LARGE1: variants seen among roughly 807,000 people sequenced by gnomAD.
The protein encoded by LARGE1 is xylosyl- and glucuronyltransferase LARGE1.
A neutral mutation model predicts 87.6 loss-of-function variants in LARGE1; 43 were observed. The ratio of observed to expected loss-of-function variants is 0.49; its 90% CI spans 0.38 to 0.63. LARGE1 has a LOEUF of 0.63. Among genes scored for constraint, LARGE1 ranks in the 30% least tolerant of loss-of-function variants. The pLI is 0.00. For synonymous variants in LARGE1, 434 were observed against 394.6 expected (o/e 1.10, Z -1.18); for missense variants, 802 against 1,000.2 (o/e 0.80, Z 2.67).
At chr22:33,825,864 A>G (rs543715848) in intron 1 of LARGE1, among the ~76,000 whole-genome samples, 2 of 152,172 alleles carry the variant, frequency 1.3e-5, no homozygotes, top group East Asian at 3.9e-4. Flanking sequence ...TTAATAAAAC[A>G]AAACAGCAGG....
chr22:33,571,109 C>T (rs1359797143), intron 5 of LARGE1, among the ~76,000 whole-genome samples: 1 of 152,124 alleles, frequency 6.6e-6, no homozygotes, highest in Non-Finnish European at 1.5e-5. Context: ...CTTGCAATGG[C>T]TGTTAATAAT....
intron 1 of LARGE1, among the ~76,000 whole-genome samples, chr22:33,894,947 G>C (rs1328579537): frequency 6.6e-6 from 1 of 152,170 alleles, no homozygotes. Flanking sequence ...GCCTGGGACA[G>C]TTTAATGGTT....
intron 11 of LARGE1, among the ~76,000 whole-genome samples, chr22:33,195,803 G>A (rs1242828094): frequency 7.1e-6 from 1 of 140,666 alleles, no homozygotes; most frequent in African/African-American, 2.6e-5. Context: ...CGCCCAGGCT[G>A]GAGTGCAGTG....
At chr22:33,237,028 G>C (rs1926286854) in intron 11 of LARGE1, among the ~76,000 whole-genome samples, 2 of 152,196 alleles carry the variant, frequency 1.3e-5, no homozygotes, top group Admixed American at 1.3e-4. Flanking sequence ...TCATCAGCGT[G>C]GTTAGAATTG....
rs540834340 is a variant in LARGE1 at position 33,713,864 on chromosome 22, G to A, written c.106+47507C>T. Among the ~76,000 whole-genome samples the A allele has an allele frequency of 5.6e-4, 86 of 152,268 alleles. 1 individual carries two copies. Among genetic ancestry groups the A allele is most frequent in the Non-Finnish European group, 6.9e-4 (47 of 68,024 alleles). On this transcript the variant is annotated intron_variant, in intron 2 of 14. Transcript: ENST00000397394. Reference sequence around the variant, plus strand: ...CCAGCTATTTAGGAGGCTGAGGTGAGAGGATTACTTGAGTTTGGGAGGTTG... The same window carrying A: ...CCAGCTATTTAGGAGGCTGAGGTGAAAGGATTACTTGAGTTTGGGAGGTTG...
Position 33,219,669 on chromosome 22 carries a change from T to C in LARGE1, c.1731-52837A>G, listed in dbSNP as rs1278213008. Among the ~76,000 whole-genome samples the C allele has an allele frequency of 3.3e-5, 5 of 152,232 alleles. No homozygotes were observed. In the East Asian group the frequency reaches 5.8e-4, roughly 18 times the overall value. ...TCCAGTGCTGATTCCTTAAATCCTA[T>C]TGGACAGCATCCCTCAGGATTCATT... is the stretch of plus-strand genomic sequence containing the variant. On this transcript the variant is annotated intron_variant, in intron 11 of 11. Transcript: ENST00000608642.
chr22:33,682,255 T>C (rs2149306455), intron 2 of LARGE1, among the ~76,000 whole-genome samples: 1 of 152,336 alleles, frequency 6.6e-6, no homozygotes, highest in East Asian at 1.9e-4. Flanking sequence ...ATTGCACATT[T>C]AAGTAATATT....
At chr22:33,693,339 A>G (rs1272974344) in intron 2 of LARGE1, among the ~76,000 whole-genome samples, 1 of 152,066 alleles carries the variant, frequency 6.6e-6, no homozygotes, top group Non-Finnish European at 1.5e-5. Context: ...TCTCAGACTT[A>G]ACCACTACAC....
At chr22:33,843,625 A>G (rs1013299943) in intron 1 of LARGE1, among the ~76,000 whole-genome samples, 1 of 151,936 alleles carries the variant, frequency 6.6e-6, no homozygotes, top group South Asian at 2.1e-4. Flanking sequence ...CCCTGCCCCA[A>G]GCCCTCCCTG....
At chr22:33,884,279 C>A (rs2064781138) in intron 1 of LARGE1, among the ~76,000 whole-genome samples, 1 of 152,192 alleles carries the variant, frequency 6.6e-6, no homozygotes. Flanking sequence ...GAACACAGCA[C>A]TTTAAAGCGA....
chr22:33,795,617 C>T (rs1016675328), intron 1 of LARGE1, among the ~76,000 whole-genome samples: 1 of 152,142 alleles, frequency 6.6e-6, no homozygotes, highest in Admixed American at 6.6e-5. Context: ...ACCCAAATGT[C>T]CATCAATGAT....
chr22:33,849,596 T>A, intron 1 of LARGE1, among the ~76,000 whole-genome samples: 1 of 50,972 alleles, frequency 2.0e-5, no homozygotes, highest in Admixed American at 3.0e-4. Flanking sequence ...TCTTCTCTTT[T>A]TTTTTTTTTT....
At chr22:33,197,049 G>T (rs1011085453) in intron 11 of LARGE1, among the ~76,000 whole-genome samples, 2 of 151,994 alleles carry the variant, frequency 1.3e-5, no homozygotes, top group African/African-American at 4.8e-5. Flanking sequence ...CAGAAAAAAA[G>T]CACTTTTGAT....
intron 1 of LARGE1, among the ~76,000 whole-genome samples, chr22:33,777,099 T>C (rs546279293): frequency 6.6e-6 from 1 of 152,186 alleles, no homozygotes; most frequent in Admixed American, 6.5e-5. Context: ...GATGGCACAA[T>C]TTCAAAAGAG....
At chr22:33,827,057 T>C (rs1304494729) in intron 1 of LARGE1, among the ~76,000 whole-genome samples, 1 of 152,038 alleles carries the variant, frequency 6.6e-6, no homozygotes, top group African/African-American at 2.4e-5. Flanking sequence ...TGCTTTCTCC[T>C]AAGACATTTA....
intron 7 of LARGE1, among the ~76,000 whole-genome samples, chr22:33,384,993 G>A (rs997312164): frequency 6.7e-6 from 1 of 148,720 alleles, no homozygotes. Context: ...TTTGCTTGAT[G>A]ATTACTGACA....
intron 1 of LARGE1, among the ~76,000 whole-genome samples, chr22:33,777,682 A>G (rs13056475): frequency 3.6e-5 from 3 of 82,342 alleles, no homozygotes; most frequent in South Asian, 5.2e-4. Flanking sequence ...AAGGAGAAGG[A>G]GAAGGGGAAG....
intron 11 of LARGE1, among the ~76,000 whole-genome samples, chr22:33,218,472 A>G (rs1324198578): frequency 6.6e-6 from 1 of 152,092 alleles, no homozygotes; most frequent in African/African-American, 2.4e-5. Flanking sequence ...GTCTTCCCTG[A>G]TTTCAGTATT....
exon 12 of LARGE1, chr22:33,166,168 G>T (rs1023740515): frequency 6.6e-6 from 1 of 152,222 alleles, no homozygotes; most frequent in Non-Finnish European, 1.5e-5. Context: ...TTCTGTTTAC[G>T]TTGGTGTTTA....
Sources: gnomAD v4.1 joint callset for allele counts (sites outside exome capture counted in the v4.1 genomes callset) on GRCh38, gnomAD v4.1.1 for gene constraint, MANE v1.5 for transcripts, NCBI Gene and HGNC (gene_info 2026-07-23, HGNC 2026-07-21) for gene names.